The following KATNA1 variants were observed in gnomAD, a reference collection of about 807,000 sequenced individuals.
KATNA1 encodes the protein katanin p60 ATPase-containing subunit A1.
Under a neutral mutation model 62.6 loss-of-function variants are expected in KATNA1, and 42 were observed. The ratio of observed to expected loss-of-function variants is 0.67; its 90% CI spans 0.52 to 0.87. The LOEUF is 0.87. Among genes scored for constraint, KATNA1 ranks in the 40% least tolerant of loss-of-function variants. The pLI, the probability that KATNA1 is intolerant of heterozygous loss-of-function variation, is 0.00. For missense variants in KATNA1, 498 were observed against 612.5 expected (o/e 0.81, Z 1.97); for synonymous variants, 186 against 201.9 (o/e 0.92, Z 0.67).
At chr6:149,613,591 C>T (rs1779050601) in intron 4 of KATNA1, among the ~76,000 whole-genome samples, 1 of 152,094 alleles carries the variant, frequency 6.6e-6, no homozygotes, top group South Asian at 2.1e-4. Context: ...GAGTAGGAAG[C>T]ATCAAGAATC....
chr6:149,638,617 G>T, intron 1 of KATNA1, 57 bp from the exon 2 acceptor site: 1 of 1,214,090 alleles, frequency 8.2e-7, no homozygotes, highest in Non-Finnish European at 1.2e-6. Flanking sequence ...TTAAAAATAA[G>T]TATAGTTATT....
rs182985975 is a variant in KATNA1, at chr6:149,621,740, G to A, written c.501+1363C>T. Among the ~76,000 whole-genome samples, 16 of 145,992 alleles carry A rather than the reference G, an allele frequency of 1.1e-4. No homozygotes were observed. The East Asian group carries it at 3.4e-3, about 31-fold the overall frequency. Reference sequence around the variant, plus strand: ...GCTCCTGGCCTCAAGTGATTCACCCGCCTCAGCCTCCCAAAGTGCTGGGAT... The same window carrying A: ...GCTCCTGGCCTCAAGTGATTCACCCACCTCAGCCTCCCAAAGTGCTGGGAT... On this transcript the variant is annotated intron_variant, in intron 4 of 10. Coordinates refer to ENST00000367411, the MANE Select transcript of KATNA1 (RefSeq NM_007044.4).
At position 149,638,407 on chromosome 6, in the gene KATNA1, G is replaced by T; in HGVS notation, c.141C>A (p.Tyr47Ter). 1.9e-6 allele frequency: 3 copies of T among 1,613,514 alleles called. No homozygotes were observed. Among genetic ancestry groups the T allele is most frequent in the Non-Finnish European group, 2.5e-6 (3 of 1,179,832 alleles). Residue 47 changes from tyrosine (Y) to a stop codon, truncating the protein, a stop_gained, in exon 2 of 11, where the codon TAC becomes TAA. Transcript: ENST00000367411. LOFTEE classifies it high-confidence loss of function. ...TCACCTGTTGCCATTTCTGCTGGAG[G>T]TATGTATCTTTGACTGAGTACAGAT... is the stretch of plus-strand genomic sequence containing the variant. The part of the protein sequence containing the change: ...NKYLYSVKDT[Y>*]LQQKWQQVWQ...
chr6:149,625,075 A>C (rs1779554942), intron 3 of KATNA1, among the ~76,000 whole-genome samples: 2 of 152,120 alleles, frequency 1.3e-5, no homozygotes, highest in Admixed American at 1.3e-4. Context: ...ATAATGCTGA[A>C]CATTAAGTGA....
chr6:149,646,268 C>CT (rs748306084), intron 1 of KATNA1, among the ~76,000 whole-genome samples: 1 of 151,998 alleles, frequency 6.6e-6, no homozygotes, highest in Non-Finnish European at 1.5e-5. Context: ...TAAGAGAAGA[C>CT]AAACATAGAA....
rs1778666252 is a variant in KATNA1 at position 149,604,672 on chromosome 6, G to A, written c.612C>T (p.Pro204=). The A allele has an allele frequency of 6.2e-7, 1 of 1,613,470 alleles. No homozygotes were observed. Among genetic ancestry groups the A allele is most frequent in the Non-Finnish European group, 8.5e-7 (1 of 1,179,540 alleles). Residue 204 remains proline, a synonymous_variant, in exon 5 of 11, where the codon CCC becomes CCT. Transcript: ENST00000367411. The stretch of plus-strand genomic sequence containing the variant: ...GTGATATAACTTACCATCGAACATT[G>A]GGATTCTGGGAAATTATATCTCTTT... ...ALERDIISQN[P]NVRWDDIADL...
At chr6:149,644,290 C>A in intron 1 of KATNA1, among the ~76,000 whole-genome samples, 1 of 151,840 alleles carries the variant, frequency 6.6e-6, no homozygotes, top group East Asian at 1.9e-4. Context: ...CCTTAATAGT[C>A]TCCCTGGAGA....
chr6:149,642,372 GACACACACAT>G (rs1481803163), intron 1 of KATNA1, among the ~76,000 whole-genome samples: 1 of 152,070 alleles, frequency 6.6e-6, no homozygotes, highest in Non-Finnish European at 1.5e-5. Context: ...TATGTACATA[GACACACACAT>G]ACACACACAT....
chr6:149,623,521 G>T (rs1779491618), intron 3 of KATNA1, among the ~76,000 whole-genome samples: 1 of 152,236 alleles, frequency 6.6e-6, no homozygotes, highest in Non-Finnish European at 1.5e-5. Flanking sequence ...TGGATCACTT[G>T]AGGTCAGGAG....
In KATNA1 at chr6:149,617,971, A is replaced by AAAT. The variant is rs1562289822; in HGVS notation, c.501+5131_501+5132insATT. On this transcript the variant is annotated intron_variant, in intron 4 of 10. Coordinates refer to ENST00000367411, the MANE Select transcript of KATNA1 (RefSeq NM_007044.4). The stretch of plus-strand genomic sequence containing the variant: ...ATAAATAAATAAATAAATAAATAAT[A>AAAT]AAATAAATAAATAAATAAATATATA... Among the ~76,000 whole-genome samples, 11 of 67,596 alleles carry AAAT rather than the reference A, an allele frequency of 1.6e-4. No individual in the cohort carries two copies. The East Asian group carries it at 6.1e-3, about 37-fold the overall frequency. The allele number at this position is 67,596 out of a possible 152,430, so 44.3% of individuals were successfully genotyped here.
chr6:149,623,224 C>T lies in KATNA1; in HGVS notation c.380G>A (p.Gly127Asp), dbSNP rs201942843. ...TCTGACAGTTGTACTTGGACGATTA[C>T]CATGTGATTTAGGGTCACTGTACTG... The part of the protein sequence containing the change: ...SSQYSDPKSH[G>D]NRPSTTVRVH... Residue 127 changes from glycine (G) to aspartate (D), a missense_variant, in exon 4 of 11, where the codon GGT (glycine) becomes GAT (aspartate). Physicochemically the swap from Gly to Asp is moderately conservative, Grantham distance 94. Transcript: ENST00000367411. The T allele has an allele frequency of 6.2e-7, 1 of 1,613,772 alleles. No homozygotes were observed. Among genetic ancestry groups the T allele is most frequent in the East Asian group, 2.2e-5 (1 of 44,870 alleles).
intron 4 of KATNA1, among the ~76,000 whole-genome samples, chr6:149,614,504 G>A (rs1187956809): frequency 1.3e-5 from 2 of 152,146 alleles, no homozygotes; most frequent in Admixed American, 1.3e-4. Flanking sequence ...ACACATGGTT[G>A]GCTCATGCTT....
chr6:149,607,818 C>T (rs543225999), intron 4 of KATNA1, among the ~76,000 whole-genome samples: 1 of 152,254 alleles, frequency 6.6e-6, no homozygotes, highest in South Asian at 2.1e-4. Flanking sequence ...GTAATCCCAG[C>T]ACTTTGGGAG....
At chr6:149,618,086 C>T (rs1582778415) in intron 4 of KATNA1, among the ~76,000 whole-genome samples, 5 of 143,968 alleles carry the variant, frequency 3.5e-5, no homozygotes, top group South Asian at 2.2e-4. Flanking sequence ...ACCTGGGAGG[C>T]GGAGGTTGCA....
At chr6:149,611,661 G>C (rs1329661129) in intron 4 of KATNA1, among the ~76,000 whole-genome samples, 1 of 151,986 alleles carries the variant, frequency 6.6e-6, no homozygotes, top group East Asian at 1.9e-4. Flanking sequence ...ACTGGTATAA[G>C]GAATGAAAAA....
rs1206873372 is a variant in KATNA1, at chr6:149,638,541, G to C, written c.7C>G (p.Leu3Val). 1.9e-6 allele frequency: 3 copies of C among 1,611,216 alleles called. No individual in the cohort carries two copies. The Admixed American group carries it at 5.0e-5, about 27-fold the overall frequency. ...TTTACATTCTCACTAATCATAAGAA[G>C]ACTCATGTTCAACTGTAAGCTAAAA... The part of the protein sequence containing the change: MS[L>V]LMISENVKLA... Residue 3 changes from leucine to valine, a missense_variant, in exon 2 of 11, where the codon CTT becomes GTT. By Grantham distance (32) the Leu-to-Val change is conservative (BLOSUM62 1). Coordinates refer to ENST00000367411, the MANE Select transcript of KATNA1 (RefSeq NM_007044.4).
chr6:149,615,056 C>G (rs1027534265), intron 4 of KATNA1, among the ~76,000 whole-genome samples: 2 of 142,314 alleles, frequency 1.4e-5, no homozygotes, highest in East Asian at 4.5e-4. Context: ...TCGCTTGAAC[C>G]TGGGAGGCTG....
chr6:149,602,783 G>A (rs1389022881), intron 6 of KATNA1, among the ~76,000 whole-genome samples: 15 of 150,476 alleles, frequency 1.0e-4, no homozygotes, highest in Admixed American at 5.3e-4. Context: ...GTGCAATGGC[G>A]TGATCTCAGC....
chr6:149,596,073 T>G (rs1315081138), intron 10 of KATNA1, among the ~76,000 whole-genome samples: 1 of 152,252 alleles, frequency 6.6e-6, no homozygotes, highest in Non-Finnish European at 1.5e-5. Context: ...ATTTATTTAA[T>G]CCAAGACAAT....
Sources: gnomAD v4.1 joint callset for allele counts (sites outside exome capture counted in the v4.1 genomes callset) on GRCh38, gnomAD v4.1.1 for gene constraint, MANE v1.5 for transcripts, NCBI Gene and HGNC (gene_info 2026-07-23, HGNC 2026-07-21) for gene names.